The following NLK variants were observed in gnomAD, a reference collection of about 807,000 sequenced individuals.
NLK encodes the protein serine/threonine-protein kinase NLK.
In NLK, 11 loss-of-function variants were observed where a neutral mutation model predicts 59.0. The observed-to-expected ratio is 0.19, with a 90% CI of 0.12 to 0.31. NLK has a LOEUF of 0.31. Among genes scored for constraint, NLK ranks in the 10% least tolerant of loss-of-function variants. The pLI, the probability that NLK is intolerant of heterozygous loss-of-function variation, is 1.00. For missense variants in NLK, 410 were observed against 661.1 expected (o/e 0.62, Z 4.16); for synonymous variants, 235 against 235.9 (o/e 1.00, Z 0.03).
chr17:28,113,294 C>T (rs1001842222), intron 1 of NLK, among the ~76,000 whole-genome samples: 1 of 152,250 alleles, frequency 6.6e-6, no homozygotes, highest in African/African-American at 2.4e-5. Flanking sequence ...GATCCATACC[C>T]CAAGAGAAGG....
chr17:28,197,909 C>G (rs534900900), downstream of NLK, among the ~76,000 whole-genome samples: 1 of 152,100 alleles, frequency 6.6e-6, no homozygotes, highest in Non-Finnish European at 1.5e-5. Flanking sequence ...GACTTTACTT[C>G]AAGAAGATGA....
rs538101514 is a variant in NLK, at chr17:28,178,058, T to C, written c.1149+5440T>C. ...TGCTTAGCAAACTCCTGCTCATATG[T>C]CATCATCCAGAACTGTGTCATATGT... On this transcript the variant is annotated intron_variant, in intron 7 of 10. Coordinates refer to ENST00000407008, the MANE Select transcript of NLK (RefSeq NM_016231.5). Among the ~76,000 whole-genome samples the C allele has an allele frequency of 1.4e-4, 21 of 152,336 alleles. No homozygotes were observed. In the South Asian group the frequency reaches 3.9e-3, roughly 29 times the overall value.
chr17:28,184,041 T>C (rs1238535607), intron 7 of NLK, among the ~76,000 whole-genome samples: 1 of 152,226 alleles, frequency 6.6e-6, no homozygotes, highest in Non-Finnish European at 1.5e-5. Flanking sequence ...CTTTATAAGC[T>C]CTATGGCTTC....
In NLK at chr17:28,196,232, G is replaced by A. The variant is rs1032671359; in HGVS notation, c.*1596G>A. ...ATTTCAATTCACTTGAATGAGAAAC[G>A]TGTTTAGTATCAAAAGAGCCCAAGA... On this transcript the variant is annotated 3_prime_UTR_variant, in exon 11 of 11. Transcript: ENST00000407008. The A allele has an allele frequency of 6.6e-6, 1 of 152,498 alleles. No individual in the cohort carries two copies. Among genetic ancestry groups the A allele is most frequent in the Non-Finnish European group, 1.5e-5 (1 of 68,020 alleles). The allele number at this position is 152,498 out of a possible 1,614,324, so 9.4% of individuals were successfully genotyped here. A position where few individuals can be genotyped will look rare whatever the true frequency, so the allele number is the denominator to read the frequency against.
At chr17:28,070,616 G>T (rs1261588877) in intron 1 of NLK, among the ~76,000 whole-genome samples, 2 of 151,896 alleles carry the variant, frequency 1.3e-5, no homozygotes, top group Non-Finnish European at 2.9e-5. Context: ...CTCCCAAAGT[G>T]CTGGGATTAC....
chr17:28,098,127 A>G (rs1438090701), intron 1 of NLK, among the ~76,000 whole-genome samples: 1 of 152,218 alleles, frequency 6.6e-6, no homozygotes, highest in African/African-American at 2.4e-5. Context: ...ATATAAACCT[A>G]CGAAGTGTAC....
intron 1 of NLK, among the ~76,000 whole-genome samples, chr17:28,052,479 T>C (rs2058773247): frequency 6.6e-6 from 1 of 152,214 alleles, no homozygotes; most frequent in Admixed American, 6.5e-5. Context: ...GCTGTAGTAG[T>C]TTAGGGCTTA....
intron 1 of NLK, chr17:28,048,624 C>CA (rs1380916841): frequency 6.6e-5 from 10 of 152,262 alleles, no homozygotes; most frequent in African/African-American, 2.4e-4. Flanking sequence ...TTTTTACCTT[C>CA]AAAGCACAGG....
chr17:28,176,444 A>G (rs1042234375), intron 7 of NLK, among the ~76,000 whole-genome samples: 7 of 152,214 alleles, frequency 4.6e-5, no homozygotes, highest in African/African-American at 1.7e-4. Context: ...TGTGCTGAAC[A>G]CTTCTTATAT....
chr17:28,144,815 T>C (rs1189853506), intron 3 of NLK, among the ~76,000 whole-genome samples: 5 of 152,206 alleles, frequency 3.3e-5, no homozygotes, highest in Admixed American at 2.0e-4. Flanking sequence ...TATATCAGAC[T>C]TGCCATAATT....
chr17:28,190,663 G>A (rs1051765364), intron 8 of NLK, among the ~76,000 whole-genome samples: 2 of 152,082 alleles, frequency 1.3e-5, no homozygotes, highest in African/African-American at 2.4e-5. Context: ...AGAAAATATA[G>A]CCTGTTATTT....
chr17:28,063,193 A>G (rs1043903273), intron 1 of NLK, among the ~76,000 whole-genome samples: 16 of 152,164 alleles, frequency 1.1e-4, no homozygotes, highest in African/African-American at 3.6e-4. Flanking sequence ...TGGCCTCCCA[A>G]AGTGCTGGGA....
At chr17:28,103,293 T>G (rs1053044813) in intron 1 of NLK, among the ~76,000 whole-genome samples, 2 of 152,252 alleles carry the variant, frequency 1.3e-5, no homozygotes, top group African/African-American at 4.8e-5. Flanking sequence ...ATTGATATTA[T>G]GCATTACATG....
At chr17:28,187,368 A>G (rs927005960) in intron 8 of NLK, among the ~76,000 whole-genome samples, 2 of 152,176 alleles carry the variant, frequency 1.3e-5, no homozygotes, top group Non-Finnish European at 2.9e-5. Flanking sequence ...CAGCAGCGCA[A>G]TCTCAGCTCA....
chr17:28,175,161 G>A (rs1473646500), intron 7 of NLK, among the ~76,000 whole-genome samples: 1 of 151,886 alleles, frequency 6.6e-6, no homozygotes, highest in Non-Finnish European at 1.5e-5. Flanking sequence ...AGAGTGTAGT[G>A]TCAGCCGGGC....
intron 2 of NLK, 84 bp downstream of exon 2, chr17:28,122,816 G>A: frequency 1.3e-6 from 2 of 1,484,590 alleles, no homozygotes; most frequent in Non-Finnish European, 1.8e-6. Context: ...GTTTAAAAGG[G>A]CACCTATAAG....
At chr17:28,095,508 C>T (rs1421561426) in intron 1 of NLK, among the ~76,000 whole-genome samples, 3 of 152,172 alleles carry the variant, frequency 2.0e-5, no homozygotes, top group Non-Finnish European at 4.4e-5. Context: ...CTATCCAAGT[C>T]TCACTTCTAG....
At chr17:28,074,456 T>TA (rs1359181619) in intron 1 of NLK, among the ~76,000 whole-genome samples, 2 of 152,210 alleles carry the variant, frequency 1.3e-5, no homozygotes, top group Admixed American at 6.5e-5. Flanking sequence ...GCATAACAGT[T>TA]ACAAATGGAG....
chr17:28,168,229 G>A (rs1001552825), intron 5 of NLK, among the ~76,000 whole-genome samples: 3 of 151,486 alleles, frequency 2.0e-5, no homozygotes, highest in South Asian at 2.1e-4. Context: ...CCAGCTATTC[G>A]GGAGGCTGAG....
Sources: allele counts gnomAD v4.1 joint callset (sites outside exome capture counted in the v4.1 genomes callset), GRCh38; gene constraint gnomAD v4.1.1; transcripts MANE v1.5; gene names NCBI Gene and HGNC (gene_info 2026-07-23, HGNC 2026-07-21).